Variants in CIMIP2A observed in about 807,000 individuals in gnomAD.
CIMIP2A encodes ciliary microtubule inner protein 2A.
chr9:137,248,845 G>A, the CIMIP2A span, among the ~76,000 whole-genome samples: 19 of 152,278 alleles, frequency 1.2e-4, no homozygotes, highest in Admixed American at 4.6e-4. Context: ...TTCAGCCTGG[G>A]CAACAGAACC....
the CIMIP2A span, chr9:137,244,373 G>T: frequency 3.1e-6 from 5 of 1,596,662 alleles, no homozygotes; most frequent in South Asian, 1.1e-5. Context: ...CCTGGCCGGA[G>T]GGCCGGCACT....
chr9:137,253,553 T>C, the CIMIP2A span: 1 of 1,347,696 alleles, frequency 7.4e-7, no homozygotes, highest in Non-Finnish European at 9.7e-7. Flanking sequence ...CGCTGGGTCA[T>C]TTCCGGCTTT....
At chr9:137,244,415 C>T in the CIMIP2A span, 2 of 1,552,368 alleles carry the variant, frequency 1.3e-6, no homozygotes, top group Non-Finnish European at 1.7e-6. Context: ...TCCCAGCCTT[C>T]TGCATCCCCC....
the CIMIP2A span, chr9:137,252,145 C>A: frequency 1.9e-6 from 3 of 1,601,622 alleles, no homozygotes; most frequent in East Asian, 4.5e-5. Context: ...GGTGTGTGTC[C>A]CCTCCCTGAG....
the CIMIP2A span, among the ~76,000 whole-genome samples, chr9:137,254,164 C>T: frequency 2.0e-5 from 3 of 152,364 alleles, no homozygotes; most frequent in African/African-American, 7.2e-5. Flanking sequence ...GAGCTCAACC[C>T]CTTCAAAAAG....
At chr9:137,252,751 T>C in the CIMIP2A span, 2 of 1,559,288 alleles carry the variant, frequency 1.3e-6, no homozygotes, top group Middle Eastern at 1.7e-4. Context: ...CCAAGACACC[T>C]GAAGGCCACA....
At chr9:137,246,732 C>T in the CIMIP2A span, among the ~76,000 whole-genome samples, 3 of 152,096 alleles carry the variant, frequency 2.0e-5, no homozygotes, top group Non-Finnish European at 4.4e-5. Flanking sequence ...CACTGCACTC[C>T]AGCCTGGGCA....
At chr9:137,245,643 G>A in the CIMIP2A span, 1 of 1,608,466 alleles carries the variant, frequency 6.2e-7, no homozygotes, top group Non-Finnish European at 8.5e-7. Flanking sequence ...GCTCACTGGT[G>A]TAGTGGGGGA....
chr9:137,249,216 C>T, the CIMIP2A span, among the ~76,000 whole-genome samples: 1,043 of 152,242 alleles, frequency 6.9e-3, 15 homozygotes, highest in East Asian at 0.035. Flanking sequence ...TAAAGCAGGA[C>T]CATAATCACA....
At chr9:137,245,044 T>G in the CIMIP2A span, 2 of 1,609,266 alleles carry the variant, frequency 1.2e-6, no homozygotes, top group Non-Finnish European at 1.7e-6. Flanking sequence ...AAGAACCTTG[T>G]GGGGAGGGGC....
At chr9:137,253,348 C>A in the CIMIP2A span, 1 of 1,544,406 alleles carries the variant, frequency 6.5e-7, no homozygotes, top group Non-Finnish European at 8.7e-7. Flanking sequence ...CCAGCCTGGC[C>A]TTCTGACCCT....
chr9:137,253,301 C>T, the CIMIP2A span: 1 of 1,563,976 alleles, frequency 6.4e-7, no homozygotes, highest in Admixed American at 1.9e-5. Context: ...ATGGCCTCCC[C>T]CGGGGCTTTC....
At chr9:137,243,981 T>C in the CIMIP2A span, among the ~76,000 whole-genome samples, 8 of 151,948 alleles carry the variant, frequency 5.3e-5, no homozygotes, top group African/African-American at 1.9e-4. Flanking sequence ...GTCTGGGACT[T>C]AGGTGGGTCC....
the CIMIP2A span, among the ~76,000 whole-genome samples, chr9:137,248,099 C>T: frequency 1.3e-5 from 2 of 152,250 alleles, no homozygotes; most frequent in African/African-American, 4.8e-5. Context: ...CTTGCAGCTG[C>T]AGAGCCTTGG....
At chr9:137,244,159 CACTCT>C in the CIMIP2A span, 1 of 1,613,298 alleles carries the variant, frequency 6.2e-7, no homozygotes, top group Non-Finnish European at 8.5e-7. Flanking sequence ...TGACCCTGCC[CACTCT>C]ACTCACCGGG....
At chr9:137,252,677 C>T in the CIMIP2A span, 2 of 1,548,872 alleles carry the variant, frequency 1.3e-6, no homozygotes, top group Non-Finnish European at 1.7e-6. Flanking sequence ...CTCGCCAGCC[C>T]ACTACCAGCT....
chr9:137,252,249 T>G, the CIMIP2A span: 2 of 1,430,980 alleles, frequency 1.4e-6, no homozygotes. Flanking sequence ...CACCCTTCCC[T>G]GCGTTCACCT....
At chr9:137,245,499 G>T in the CIMIP2A span, 1 of 1,613,784 alleles carries the variant, frequency 6.2e-7, no homozygotes, top group Non-Finnish European at 8.5e-7. Context: ...GCTCCTGGGC[G>T]TCCACCTCCA....
the CIMIP2A span, chr9:137,251,941 G>A: frequency 1.3e-5 from 20 of 1,596,434 alleles, no homozygotes; most frequent in Admixed American, 1.7e-5. Context: ...GGTCTTTGGG[G>A]GGCTGTGGGA....
Sources: gnomAD v4.1 joint callset for allele counts (sites outside exome capture counted in the v4.1 genomes callset) on GRCh38, gnomAD v4.1.1 for gene constraint, MANE v1.5 for transcripts, NCBI Gene and HGNC (gene_info 2026-07-23, HGNC 2026-07-21) for gene names.